AFDN: variants seen among roughly 807,000 people sequenced by gnomAD.
AFDN encodes afadin, adherens junction formation factor.
AFDN carries 68 observed loss-of-function variants against 216.6 expected under a neutral mutation model. The observed-to-expected ratio is 0.31, with a 90% CI of 0.26 to 0.38. The LOEUF (loss-of-function observed/expected upper bound fraction) is 0.38. Ranked by LOEUF, AFDN falls within the 10% of genes least tolerant of loss-of-function variation. The pLI is 1.00. For synonymous variants in AFDN, 868 were observed against 853.7 expected (o/e 1.02, Z -0.29); for missense variants, 2,136 against 2,342.0 (o/e 0.91, Z 1.82).
At position 167,943,167 on chromosome 6, in the gene AFDN, G is replaced by A. The variant is rs376177034; in HGVS notation, c.3138G>A (p.Ser1046=). Residue 1046 remains serine, a synonymous_variant, in exon 24 of 34, where the codon TCG becomes TCA. Transcript: ENST00000683244. Reference sequence around the variant, plus strand: ...ATAAACTAGGAATCTATGTGAAGTCGGTTGTGAAAGGAGGTGCTGCAGATG... The same window carrying A: ...ATAAACTAGGAATCTATGTGAAGTCAGTTGTGAAAGGAGGTGCTGCAGATG... ...GQDKLGIYVK[S]VVKGGAADVD... is the part of the protein sequence containing the mutation. 50 of 1,613,798 alleles carry A rather than the reference G, an allele frequency of 3.1e-5. No homozygotes were observed. The highest frequency in any genetic ancestry group is 3.8e-5 in the Non-Finnish European group (45 of 1,179,934).
chr6:167,914,254 T>C lies in AFDN; in HGVS notation c.2145T>C (p.Leu715=). 6 of 1,614,204 alleles carry C rather than the reference T, an allele frequency of 3.7e-6. No homozygotes were observed. Among genetic ancestry groups the C allele is most frequent in the Non-Finnish European group, 5.1e-6 (6 of 1,180,022 alleles). ...LLNFIKQDRD[L]SRITLDAQDV... ...ACTTCATTAAGCAAGACCGAGACCT[T>C]AGTCGGATCACACTGGATGCTCAAG... Residue 715 remains leucine (L), a synonymous_variant, in exon 17 of 34, where the codon CTT becomes CTC. Transcript: ENST00000683244.
intron 1 of AFDN, among the ~76,000 whole-genome samples, chr6:167,837,032 G>T (rs914452598): frequency 2.2e-4 from 34 of 152,052 alleles, no homozygotes; most frequent in African/African-American, 7.2e-4. Context: ...AATTAAAGTG[G>T]TTTTTGTGAC....
intron 1 of AFDN, among the ~76,000 whole-genome samples, chr6:167,834,281 G>T (rs1746066405): frequency 6.6e-6 from 1 of 152,008 alleles, no homozygotes. Flanking sequence ...AGTCCCCGAA[G>T]TCCATTGTGT....
chr6:167,943,132 G>C lies in AFDN; in HGVS notation c.3103G>C (p.Ala1035Pro). The change falls in exon 24 of 34, where the codon GCT becomes CCT. Residue 1035 changes from alanine (A) to proline (P), a missense_variant. This residue lies in a region of AFDN where 74 missense variants were observed against 98.8 expected (regional missense o/e 0.75). Transcript: ENST00000683244. ...MGLSIVAAKG[A>P]GQDKLGIYVK... Reference sequence around the variant, plus strand: ...TTTCGCCTTGTTTTTGCAATAGGGTGCTGGTCAAGATAAACTAGGAATCTA... The same window carrying C: ...TTTCGCCTTGTTTTTGCAATAGGGTCCTGGTCAAGATAAACTAGGAATCTA... The C allele has an allele frequency of 6.2e-7, 1 of 1,613,636 alleles. No homozygotes were observed.
At chr6:167,939,113 TA>T (rs1794368316) in intron 23 of AFDN, among the ~76,000 whole-genome samples, 1 of 152,236 alleles carries the variant, frequency 6.6e-6, no homozygotes, top group Non-Finnish European at 1.5e-5. Context: ...TTTATTGTTC[TA>T]AAATATATAT....
intron 23 of AFDN, among the ~76,000 whole-genome samples, chr6:167,938,934 GT>G (rs1794343644): frequency 6.6e-6 from 1 of 152,100 alleles, no homozygotes; most frequent in East Asian, 1.9e-4. Context: ...AGGGGCTTGG[GT>G]TTTAGGGAGA....
intron 21 of AFDN, 84 bp downstream of exon 21, chr6:167,919,017 C>T: frequency 8.2e-7 from 1 of 1,225,956 alleles, no homozygotes; most frequent in Non-Finnish European, 1.2e-6. Flanking sequence ...ATAGGGTAGT[C>T]CACTTGTGTG....
intron 19 of AFDN, among the ~76,000 whole-genome samples, chr6:167,916,304 C>CT (rs1161340606): frequency 1.3e-5 from 2 of 152,196 alleles, no homozygotes; most frequent in African/African-American, 4.8e-5. Flanking sequence ...TGATGATTCC[C>CT]TGGAAAGATG....
At chr6:167,902,897 T>C (rs1252136684) in intron 12 of AFDN, among the ~76,000 whole-genome samples, 1 of 152,250 alleles carries the variant, frequency 6.6e-6, no homozygotes, top group Non-Finnish European at 1.5e-5. Flanking sequence ...ATCTGCTGTG[T>C]TGTTTGTTAG....
chr6:167,966,159 T>C, intron 32 of AFDN, 114 bp downstream of exon 32: 1 of 1,534,772 alleles, frequency 6.5e-7, no homozygotes. Flanking sequence ...CGTCTTTCTC[T>C]CCAACTCATT....
At chr6:167,895,926 C>T (rs777988145) in intron 9 of AFDN, among the ~76,000 whole-genome samples, 1 of 152,154 alleles carries the variant, frequency 6.6e-6, no homozygotes, top group Non-Finnish European at 1.5e-5. Context: ...GACTGACTGC[C>T]ATGGCTATGG....
chr6:167,872,332 G>A lies in AFDN; in HGVS notation c.533G>A (p.Arg178Gln), dbSNP rs1006537360. The A allele has an allele frequency of 5.0e-6, 8 of 1,613,900 alleles. No homozygotes were observed. The highest frequency in any genetic ancestry group is 4.5e-5 in the East Asian group (2 of 44,868). The change falls in exon 4 of 34, where the codon CGA becomes CAA. Residue 178 changes from arginine to glutamine, a missense_variant. Physicochemically the swap from Arg to Gln is conservative, Grantham distance 43. Transcript: ENST00000683244. ...AAGAAGAGAGAAAAAGAGGCATTGC[G>A]ACAGGCATCTGATAAAGATGATAGA... is the stretch of plus-strand genomic sequence containing the variant. ...EKKKREKEAL[R>Q]QASDKDDRPF...
At position 167,954,236 on chromosome 6, in the gene AFDN, A is replaced by G. The variant is rs190083106; in HGVS notation, c.4833+2049A>G. 1.2e-3 allele frequency among the ~76,000 whole-genome samples: 178 copies of G among 152,310 alleles called. 1 individual carries two copies. The highest frequency in any genetic ancestry group is 2.3e-3 in the Non-Finnish European group (155 of 68,016). ...GAAATTTTGCTGTTTTTTATTTTCT[A>G]TGTATCCTAATGATGAAACTCATTT... On this transcript the variant is annotated intron_variant, in intron 30 of 33. Transcript: ENST00000683244.
At chr6:167,940,144 G>T (rs531343380) in intron 23 of AFDN, among the ~76,000 whole-genome samples, 1 of 152,352 alleles carries the variant, frequency 6.6e-6, no homozygotes, top group South Asian at 2.1e-4. Flanking sequence ...CTGGGACTGG[G>T]CTGGAGACTT....
intron 1 of AFDN, among the ~76,000 whole-genome samples, chr6:167,858,411 T>TA (rs1292269032): frequency 1.3e-5 from 2 of 152,200 alleles, no homozygotes; most frequent in African/African-American, 2.4e-5. Flanking sequence ...GGATTTTTGT[T>TA]AGAGTTCATA....
rs1340333257 is a variant in AFDN at position 167,911,131 on chromosome 6, A to G, written c.1800A>G (p.Ile600Met). 1.2e-6 allele frequency: 2 copies of G among 1,613,872 alleles called. No homozygotes were observed. The highest frequency in any genetic ancestry group is 1.3e-5 in the African/African-American group (1 of 74,922). ...RTQDASGPEL[I>M]LPASIEFRES... ...AGGATGCTTCTGGGCCTGAGCTGAT[A>G]CTACCTGCAAGCATTGAATTCAGGG... The change falls in exon 14 of 34, where the codon ATA becomes ATG. Residue 600 changes from isoleucine (I) to methionine (M), a missense_variant. Physicochemically the swap from Ile to Met is conservative, Grantham distance 10. Transcript: ENST00000683244.
intron 6 of AFDN, among the ~76,000 whole-genome samples, chr6:167,888,174 C>T (rs1225692717): frequency 6.6e-6 from 1 of 152,118 alleles, no homozygotes; most frequent in African/African-American, 2.4e-5. Context: ...AGCCAAGATA[C>T]TGAATGTAAT....
chr6:167,954,610 CAGGA>C, intron 30 of AFDN: 5 of 734,544 alleles, frequency 6.8e-6, no homozygotes, highest in Non-Finnish European at 1.1e-5. Flanking sequence ...TGTCCTCCAT[CAGGA>C]GATGGAGTCC....
At chr6:167,920,037 T>C (rs1322045510) in intron 21 of AFDN, among the ~76,000 whole-genome samples, 1 of 152,206 alleles carries the variant, frequency 6.6e-6, no homozygotes, top group East Asian at 1.9e-4. Context: ...TTTAATGAAA[T>C]GTGTTTGCAA....
Sources: allele counts gnomAD v4.1 joint callset (sites outside exome capture counted in the v4.1 genomes callset), GRCh38; gene constraint gnomAD v4.1.1; regional missense constraint gnomAD v4.1.1; transcripts MANE v1.5; gene names NCBI Gene and HGNC (gene_info 2026-07-23, HGNC 2026-07-21).